ASXL1: variants seen among roughly 807,000 people sequenced by gnomAD.
ASXL1 encodes ASXL transcriptional regulator 1.
ASXL1 carries 65 observed loss-of-function variants against 89.1 expected under a neutral mutation model. The observed-to-expected ratio is 0.73, with a 90% CI of 0.60 to 0.90. The LOEUF (loss-of-function observed/expected upper bound fraction) is 0.90. ASXL1 is among the 40% of genes least tolerant of loss of function. The probability of loss-of-function intolerance (pLI) is 0.00; values close to 1 mark genes in which losing one functional copy is unlikely to be tolerated. For missense variants in ASXL1, 1,786 were observed against 1,942.9 expected (o/e 0.92, Z 1.52); for synonymous variants, 739 against 746.9 (o/e 0.99, Z 0.17).
At chr20:32,385,561 C>T (rs2048565275) in intron 4 of ASXL1, among the ~76,000 whole-genome samples, 1 of 152,016 alleles carries the variant, frequency 6.6e-6, no homozygotes, top group African/African-American at 2.4e-5. Context: ...ACAGATGACT[C>T]TTTGAGCTGG....
At chr20:32,369,415 A>AT (rs2048260524) in intron 4 of ASXL1, among the ~76,000 whole-genome samples, 1 of 151,712 alleles carries the variant, frequency 6.6e-6, no homozygotes, top group African/African-American at 2.4e-5. Flanking sequence ...TGCTCGGCTA[A>AT]TTTTTTTATT....
In ASXL1 at chr20:32,366,417, C is replaced by T. The variant is rs1178102908; in HGVS notation, c.91C>T (p.Pro31Ser). ...AAACTACTCGGATGCTCCAATGACA[C>T]CAAAACAGATTCTGCAGGTCATAGA... ...LENYSDAPMTPKQILQVIEAE... is the reference protein window; with the variant it reads ...LENYSDAPMTSKQILQVIEAE... Residue 31 changes from proline (P) to serine (S), a missense_variant, in exon 2 of 13, where the codon CCA becomes TCA. Coordinates refer to ENST00000375687, the MANE Select transcript of ASXL1 (RefSeq NM_015338.6). 3 of 1,613,926 alleles carry T rather than the reference C, an allele frequency of 1.9e-6. No homozygotes were observed. Among genetic ancestry groups the T allele is most frequent in the Non-Finnish European group, 2.5e-6 (3 of 1,179,840 alleles).
rs140139096 is a variant in ASXL1 at position 32,435,180 on chromosome 20, T to C, written c.2468T>C (p.Leu823Ser). The C allele has an allele frequency of 2.5e-6, 4 of 1,613,678 alleles. No homozygotes were observed. The African/African-American group carries it at 5.3e-5, about 22-fold the overall frequency. Residue 823 changes from leucine to serine, a missense_variant, in exon 13 of 13, where the codon TTA (leucine) becomes TCA (serine). Coordinates refer to ENST00000375687, the MANE Select transcript of ASXL1 (RefSeq NM_015338.6). Reference protein sequence around the residue: ...PIPSLVGDDTLEKGTGQALDS... With the variant: ...PIPSLVGDDTSEKGTGQALDS... ...CCGTCTCTAGTGGGAGATGATACAT[T>C]AGAGAAAGGAACTGGCCAAGCTCTT...
At position 32,367,803 on chromosome 20, in the gene ASXL1, A is replaced by G. The variant is rs374914025; in HGVS notation, c.143+74A>G. ...TCTGCTTCTTGTTCTTAGAGGAATT[A>G]TGAAGCAGTCATGATGGCTCATGAT... On this transcript the variant is annotated intron_variant, in intron 3 of 12. Transcript: ENST00000375687. 733 of 778,822 alleles carry G rather than the reference A, an allele frequency of 9.4e-4. 11 individuals carry two copies. The highest frequency in any genetic ancestry group is 8.4e-3 in the South Asian group (627 of 74,540). The allele number at this position is 778,822 out of a possible 1,614,324, so 48.2% of individuals were successfully genotyped here.
intron 4 of ASXL1, among the ~76,000 whole-genome samples, chr20:32,377,693 C>T (rs1160767124): frequency 6.6e-6 from 1 of 151,852 alleles, no homozygotes; most frequent in Non-Finnish European, 1.5e-5. Context: ...CACTCTGTCG[C>T]CCAGGCTGGA....
At position 32,358,682 on chromosome 20, in the gene ASXL1, C is replaced by T; in HGVS notation, c.-94C>T. The T allele has an allele frequency of 2.0e-6, 1 of 500,696 alleles. No homozygotes were observed. The highest frequency in any genetic ancestry group is 2.7e-6 in the Non-Finnish European group (1 of 371,366). 31.0% of individuals were successfully genotyped at this position (500,696 alleles called of 1,614,324 possible). ...CGCGCCGCCGCTGCCACGCGCCCCC[C>T]CCACCGCCGCCGCCGCCCCAGCCCC... On this transcript the variant is annotated 5_prime_UTR_variant, in exon 1 of 13. Coordinates refer to ENST00000375687, the MANE Select transcript of ASXL1 (RefSeq NM_015338.6).
chr20:32,381,178 GGTAGTAGAA>G (rs1431936921), intron 4 of ASXL1, among the ~76,000 whole-genome samples: 1 of 152,122 alleles, frequency 6.6e-6, no homozygotes, highest in Non-Finnish European at 1.5e-5. Context: ...AGCTGGCTTC[GGTAGTAGAA>G]GTAGTAGAAG....
In ASXL1 at chr20:32,437,418, A is replaced by G. The variant is rs2011989473; in HGVS notation, c.*80A>G. On this transcript the variant is annotated 3_prime_UTR_variant, in exon 13 of 13. Coordinates refer to ENST00000375687, the MANE Select transcript of ASXL1 (RefSeq NM_015338.6). ...TTGATCTTAAATCTGTATACAGAATATCATTGATATAATACTCTTTAGGCA... is the reference window on the plus strand; with the variant it reads ...TTGATCTTAAATCTGTATACAGAATGTCATTGATATAATACTCTTTAGGCA... The G allele has an allele frequency of 1.3e-6, 2 of 1,574,344 alleles. No homozygotes were observed. Among genetic ancestry groups the G allele is most frequent in the Admixed American group, 1.7e-5 (1 of 59,942 alleles).
chr20:32,359,954 T>C, intron 1 of ASXL1: 1 of 660,654 alleles, frequency 1.5e-6, no homozygotes, highest in Non-Finnish European at 2.8e-6. Context: ...AAGTGTCTCT[T>C]GACACTGTAG....
In ASXL1 at chr20:32,429,529, A is replaced by T; in HGVS notation, c.565+98A>T. 1 of 1,282,694 alleles carries T rather than the reference A, an allele frequency of 7.8e-7. No homozygotes were observed. The highest frequency in any genetic ancestry group is 1.1e-6 in the Non-Finnish European group (1 of 889,200). The allele number at this position is 1,282,694 out of a possible 1,614,324, so 79.5% of individuals were successfully genotyped here. A position where few individuals can be genotyped will look rare whatever the true frequency, so the allele number is the denominator to read the frequency against. ...TCTGACCTAATAGTGCGATACTAGG[A>T]GAGCTGTCGGGCCACAGGCAAGAGC... On this transcript the variant is annotated intron_variant, in intron 7 of 12. Transcript: ENST00000375687. This position sits in a 1 kb window ranked among gnomAD's most constrained non-coding sequence, Gnocchi z 4.9.
chr20:32,359,199 G>A (rs2048067202), intron 1 of ASXL1: 1 of 697,496 alleles, frequency 1.4e-6, no homozygotes, highest in Non-Finnish European at 2.6e-6. Context: ...GGGGAGTTGG[G>A]TTTCCGGGAA....
rs2011440907 is a variant in ASXL1 at position 32,429,241 on chromosome 20, A to G, written c.472-97A>G. ...ACAGATCTGGTTGAAGACGAACTTC[A>G]TTTTACAAGAGCGTGAGTAGAGATA... On this transcript the variant is annotated intron_variant, in intron 6 of 12. Transcript: ENST00000375687. The surrounding 1 kb of genome is among the most constrained non-coding windows in gnomAD (Gnocchi z 4.9). 3 of 1,255,896 alleles carry G rather than the reference A, an allele frequency of 2.4e-6. No individual in the cohort carries two copies. Among genetic ancestry groups the G allele is most frequent in the Admixed American group, 3.9e-5 (2 of 51,002 alleles). 77.8% of individuals were successfully genotyped at this position (1,255,896 alleles called of 1,614,324 possible).
At chr20:32,377,171 TATATA>T (rs982048128) in intron 4 of ASXL1, among the ~76,000 whole-genome samples, 2 of 144,224 alleles carry the variant, frequency 1.4e-5, no homozygotes, top group African/African-American at 5.1e-5. Context: ...AAATATATTA[TATATA>T]ATATATTATA....
At position 32,436,318 on chromosome 20, in the gene ASXL1, G is replaced by T; in HGVS notation, c.3606G>T (p.Lys1202Asn). The T allele has an allele frequency of 6.2e-7, 1 of 1,614,034 alleles. No individual in the cohort carries two copies. The highest frequency in any genetic ancestry group is 1.7e-5 in the Admixed American group (1 of 60,018). The change falls in exon 13 of 13, where the codon AAG (lysine) becomes AAT (asparagine). Residue 1202 changes from lysine (K) to asparagine (N), a missense_variant. Lys to Asn is a moderately conservative substitution (Grantham distance 94). This residue lies in a region of ASXL1 where 1,418 missense variants were observed against 1,427.8 expected (regional missense o/e 0.99). Transcript: ENST00000375687. ...CCCAGGCTCCTGGAGCACCCCAAAA[G>T]AATTGCAAGGCAGTCCCAAGTTTTG... ...EATQAPGAPQ[K>N]NCKAVPSFDS...
chr20:32,428,051 T>C, intron 4 of ASXL1, 77 bp from the exon 5 acceptor site: 2 of 1,594,998 alleles, frequency 1.3e-6, no homozygotes, highest in East Asian at 4.5e-5. Flanking sequence ...TTCAAAAGCA[T>C]ACACATTTAG....
chr20:32,434,108 C>T, intron 12 of ASXL1, 191 bp downstream of exon 12: 2 of 876,468 alleles, frequency 2.3e-6, no homozygotes, highest in Admixed American at 2.9e-5. Flanking sequence ...TTTTTGTTCA[C>T]TCTGTTGAAG....
chr20:32,411,040 A>G (rs549841343), intron 4 of ASXL1, among the ~76,000 whole-genome samples: 1 of 82,858 alleles, frequency 1.2e-5, no homozygotes, highest in East Asian at 5.4e-4. Context: ...TCAAAAAAAA[A>G]AAAAAATAAA....
chr20:32,427,387 G>A (rs549121501), intron 4 of ASXL1: 59 of 152,856 alleles, frequency 3.9e-4, no homozygotes, highest in African/African-American at 1.3e-3. Context: ...ATGAAATTCC[G>A]AAAACTCAAA....
intron 4 of ASXL1, among the ~76,000 whole-genome samples, chr20:32,377,972 C>CTGTGTGTGTGTGTGTGTGTGTG (rs112878923): frequency 0.032 from 3,727 of 115,314 alleles, 194 homozygotes; most frequent in East Asian, 0.087. Flanking sequence ...AGTTTTGACT[C>CTGTGTGTGTGTGTGTGTGTGTG]TGTGTGTGTG....
Sources: gnomAD v4.1 joint callset for allele counts (sites outside exome capture counted in the v4.1 genomes callset) on GRCh38, gnomAD v4.1.1 for gene constraint, gnomAD v4.1.1 regional missense constraint, Gnocchi (gnomAD v3.1) non-coding constraint, MANE v1.5 for transcripts, NCBI Gene and HGNC (gene_info 2026-07-23, HGNC 2026-07-21) for gene names.